The following IL1RAPL1 variants were observed in gnomAD, a reference collection of about 807,000 sequenced individuals.
IL1RAPL1 encodes interleukin-1 receptor accessory protein-like 1.
IL1RAPL1 carries 3 observed loss-of-function variants against 48.4 expected under a neutral mutation model. That is an observed-to-expected ratio of 0.06 (90% CI 0.03 to 0.16). IL1RAPL1 has a LOEUF of 0.16. IL1RAPL1 is among the 10% of genes least tolerant of loss of function. The pLI is 1.00. For missense variants in IL1RAPL1, 349 were observed against 530.6 expected (o/e 0.66, Z 3.36); for synonymous variants, 185 against 187.7 (o/e 0.99, Z 0.12).
At chrX:29,569,808 A>G (rs781493741) in intron 5 of IL1RAPL1, among the ~76,000 whole-genome samples, 1 of 112,318 alleles carries the variant, frequency 8.9e-6, no homozygotes, top group Non-Finnish European at 1.9e-5. Flanking sequence ...CTTAATTAAT[A>G]TATTTCCAGG....
chrX:29,476,200 T>C (rs1236324649), intron 5 of IL1RAPL1, among the ~76,000 whole-genome samples: 2 of 111,619 alleles, frequency 1.8e-5, no homozygotes, highest in Admixed American at 9.5e-5. Context: ...AATTCTATGA[T>C]TTCATGTTAT....
chrX:29,880,099 A>G (rs188740196), intron 6 of IL1RAPL1, among the ~76,000 whole-genome samples: 172 of 111,162 alleles, frequency 1.5e-3, no homozygotes, highest in African/African-American at 5.2e-3. Context: ...AACTCCATCC[A>G]CTCACAGGTA....
chrX:29,608,804 C>T (rs997379028), intron 5 of IL1RAPL1, among the ~76,000 whole-genome samples: 3 of 107,057 alleles, frequency 2.8e-5, no homozygotes, highest in Admixed American at 1.0e-4. Flanking sequence ...CCAGCCTGGG[C>T]GACAGAGCGA....
chrX:29,433,550 A>G (rs1376410820), intron 5 of IL1RAPL1, among the ~76,000 whole-genome samples: 2 of 111,175 alleles, frequency 1.8e-5, no homozygotes, highest in African/African-American at 6.5e-5. Context: ...ACATACATTT[A>G]ATTTGTTTTT....
chrX:29,880,512 CTG>C (rs746764192), intron 6 of IL1RAPL1, among the ~76,000 whole-genome samples: 1 of 111,575 alleles, frequency 9.0e-6, no homozygotes, highest in African/African-American at 3.3e-5. Flanking sequence ...CAAGTAGATA[CTG>C]AGAGGTAAAT....
intron 1 of IL1RAPL1, among the ~76,000 whole-genome samples, chrX:28,764,767 T>C (rs987628726): frequency 9.0e-6 from 1 of 110,731 alleles, no homozygotes; most frequent in Non-Finnish European, 1.9e-5. Context: ...AAGAATTTCA[T>C]AGGTTATTGC....
intron 1 of IL1RAPL1, among the ~76,000 whole-genome samples, chrX:28,622,481 C>T (rs1032886464): frequency 9.0e-6 from 1 of 111,432 alleles, no homozygotes; most frequent in Non-Finnish European, 1.9e-5. Context: ...CCAACAACAG[C>T]AATATATATT....
At chrX:29,033,553 C>G (rs186976028) in intron 2 of IL1RAPL1, among the ~76,000 whole-genome samples, 1 of 110,988 alleles carries the variant, frequency 9.0e-6, no homozygotes, top group Non-Finnish European at 1.9e-5. Context: ...CACGACAACT[C>G]AAAGTCTTTG....
chrX:29,948,989 T>C (rs1263544362), intron 9 of IL1RAPL1, among the ~76,000 whole-genome samples: 1 of 112,185 alleles, frequency 8.9e-6, no homozygotes, highest in Admixed American at 9.4e-5. Context: ...CCAAATCCAA[T>C]ACAGCCACTA....
chrX:29,562,048 C>CTA (rs1419114079), intron 5 of IL1RAPL1, among the ~76,000 whole-genome samples: 88 of 103,724 alleles, frequency 8.5e-4, no homozygotes, highest in African/African-American at 3.1e-3. Flanking sequence ...ATCTATCTAT[C>CTA]TATCTATCTA....
chrX:28,817,230 G>T lies in IL1RAPL1; in HGVS notation c.82+27805G>T, dbSNP rs752771369. Among the ~76,000 whole-genome samples the T allele has an allele frequency of 1.2e-3, 137 of 110,413 alleles. 1 individual carries two copies. Among genetic ancestry groups the T allele is most frequent in the Non-Finnish European group, 2.3e-3 (120 of 52,505 alleles). ...TAGAAATATATTATAAGCAACAATT[G>T]TATAAGGAAGACACAGGAAAAAAAA... On this transcript the variant is annotated intron_variant, in intron 2 of 10. Coordinates refer to ENST00000378993, the MANE Select transcript of IL1RAPL1 (RefSeq NM_014271.4).
intron 2 of IL1RAPL1, among the ~76,000 whole-genome samples, chrX:29,006,890 G>A (rs768577930): frequency 9.1e-6 from 1 of 110,356 alleles, no homozygotes; most frequent in African/African-American, 3.3e-5. Flanking sequence ...ATTGTTAATA[G>A]TAATAAAATA....
At chrX:28,865,073 A>G (rs1922044266) in intron 2 of IL1RAPL1, among the ~76,000 whole-genome samples, 1 of 111,526 alleles carries the variant, frequency 9.0e-6, no homozygotes, top group Admixed American at 9.5e-5. Context: ...GATGTTTTCT[A>G]TTTGCGTCAG....
chrX:28,875,319 C>G (rs1019656075), intron 2 of IL1RAPL1, among the ~76,000 whole-genome samples: 1 of 111,606 alleles, frequency 9.0e-6, no homozygotes, highest in Non-Finnish European at 1.9e-5. Context: ...AATGAATGCT[C>G]CAAAAGTAGA....
intron 3 of IL1RAPL1, among the ~76,000 whole-genome samples, chrX:29,388,453 C>A (rs1164404516): frequency 8.9e-6 from 1 of 112,043 alleles, no homozygotes; most frequent in African/African-American, 3.2e-5. Context: ...GAATTAAAAG[C>A]AGGGACTTAA....
intron 3 of IL1RAPL1, among the ~76,000 whole-genome samples, chrX:29,385,922 C>T (rs987672812): frequency 2.7e-5 from 3 of 112,329 alleles, no homozygotes; most frequent in African/African-American, 9.7e-5. Flanking sequence ...CTGTTTTCTA[C>T]AGTGACTGCA....
chrX:29,341,053 A>G (rs1933066787), intron 3 of IL1RAPL1, among the ~76,000 whole-genome samples: 1 of 112,419 alleles, frequency 8.9e-6, no homozygotes, highest in Non-Finnish European at 1.9e-5. Context: ...TGTTCTAATT[A>G]TTATTGCCCT....
At chrX:29,184,795 C>G in intron 2 of IL1RAPL1, among the ~76,000 whole-genome samples, 2 of 112,290 alleles carry the variant, frequency 1.8e-5, no homozygotes, top group South Asian at 7.4e-4. Context: ...GCCACCGCAC[C>G]CACCCACATT....
intron 5 of IL1RAPL1, among the ~76,000 whole-genome samples, chrX:29,659,852 T>C (rs2147096057): frequency 8.9e-6 from 1 of 111,738 alleles, no homozygotes; most frequent in African/African-American, 3.3e-5. Flanking sequence ...TACTTACTAA[T>C]CCCGTGTGTA....
Sources: allele counts gnomAD v4.1 joint callset (sites outside exome capture counted in the v4.1 genomes callset), GRCh38; gene constraint gnomAD v4.1.1; transcripts MANE v1.5; gene names NCBI Gene and HGNC (gene_info 2026-07-23, HGNC 2026-07-21).